SAXO1: variants seen among roughly 807,000 people sequenced by gnomAD.
SAXO1 encodes stabilizer of axonemal microtubules 1.
SAXO1 carries 21 observed loss-of-function variants against 17.5 expected under a neutral mutation model. The observed-to-expected ratio is 1.20, with a 90% CI of 0.85 to 1.72. The LOEUF (loss-of-function observed/expected upper bound fraction) is 1.72, where lower values mean the gene tolerates loss of function less well. Ranked by LOEUF, SAXO1 falls within the 40% of genes most tolerant of loss-of-function variation. The probability of loss-of-function intolerance (pLI) is 0.00; values close to 1 mark genes in which losing one functional copy is unlikely to be tolerated. For missense variants in SAXO1, 843 were observed against 596.0 expected, an observed-to-expected ratio of 1.41 and a Z score of -4.32; for synonymous variants, 274 against 216.5, an observed-to-expected ratio of 1.27 and a Z score of -2.33.
At chr9:18,966,214 G>A (rs1211431138) in intron 1 of SAXO1, among the ~76,000 whole-genome samples, 1 of 152,104 alleles carries the variant, frequency 6.6e-6, no homozygotes, top group African/African-American at 2.4e-5. Flanking sequence ...ATGATTATGT[G>A]TCTTGGGGTT....
intron 1 of SAXO1, among the ~76,000 whole-genome samples, chr9:18,959,338 A>T (rs898903566): frequency 6.6e-6 from 1 of 152,212 alleles, no homozygotes; most frequent in African/African-American, 2.4e-5. Context: ...AAGAGCCTGG[A>T]CTGGCAAGAA....
At chr9:19,019,006 G>A (rs530459381) in intron 1 of SAXO1, among the ~76,000 whole-genome samples, 1 of 152,132 alleles carries the variant, frequency 6.6e-6, no homozygotes, top group African/African-American at 2.4e-5. Flanking sequence ...CTACTGGGGA[G>A]GCTGAGGCAG....
At chr9:19,011,686 T>C (rs1309043654) in intron 1 of SAXO1, among the ~76,000 whole-genome samples, 1 of 152,172 alleles carries the variant, frequency 6.6e-6, no homozygotes, top group Non-Finnish European at 1.5e-5. Context: ...CCCAAACTGA[T>C]GGAAAAAATT....
At chr9:18,970,426 T>G (rs1429450805) in intron 1 of SAXO1, among the ~76,000 whole-genome samples, 1 of 152,140 alleles carries the variant, frequency 6.6e-6, no homozygotes, top group African/African-American at 2.4e-5. Context: ...CACCCTCAAC[T>G]GTTACCTTTG....
chr9:19,025,317 A>G (rs893723918), intron 1 of SAXO1, among the ~76,000 whole-genome samples: 4 of 152,228 alleles, frequency 2.6e-5, no homozygotes, highest in African/African-American at 9.6e-5. Flanking sequence ...TATTTAAATT[A>G]AAAATAAGAA....
intron 1 of SAXO1, among the ~76,000 whole-genome samples, chr9:19,012,000 CAT>C (rs1323509629): frequency 5.9e-5 from 9 of 152,012 alleles, no homozygotes; most frequent in African/African-American, 1.7e-4. Flanking sequence ...CGCAGGTCAC[CAT>C]GCCCGGCCAA....
At chr9:18,992,426 G>A (rs774223647) in intron 1 of SAXO1, among the ~76,000 whole-genome samples, 2 of 152,190 alleles carry the variant, frequency 1.3e-5, no homozygotes, top group Non-Finnish European at 2.9e-5. Context: ...TAATAAGGAT[G>A]CTACTCATGC....
intron 1 of SAXO1, among the ~76,000 whole-genome samples, chr9:18,990,434 C>T (rs535972263): frequency 6.6e-6 from 1 of 152,088 alleles, no homozygotes; most frequent in Non-Finnish European, 1.5e-5. Context: ...AGCAGGACAC[C>T]GTGGCTTATG....
intron 1 of SAXO1, among the ~76,000 whole-genome samples, chr9:18,958,208 G>A (rs868079131): frequency 3.3e-5 from 5 of 152,182 alleles, no homozygotes; most frequent in Admixed American, 2.6e-4. Context: ...TGAATCATTT[G>A]AGGTCAGGGG....
At chr9:18,978,233 G>T (rs978939754) in intron 1 of SAXO1, among the ~76,000 whole-genome samples, 22 of 151,594 alleles carry the variant, frequency 1.5e-4, no homozygotes, top group African/African-American at 5.1e-4. Flanking sequence ...TGAGAGTGAT[G>T]AATTTTTTTC....
intron 3 of SAXO1, among the ~76,000 whole-genome samples, chr9:18,938,801 G>A (rs1831411899): frequency 7.0e-6 from 1 of 143,298 alleles, no homozygotes; most frequent in Non-Finnish European, 1.6e-5. Context: ...CTGGGGTGTG[G>A]TGGGGTGCAT....
At chr9:19,006,906 G>A (rs568101324) in intron 1 of SAXO1, among the ~76,000 whole-genome samples, 2 of 151,986 alleles carry the variant, frequency 1.3e-5, no homozygotes, top group African/African-American at 2.4e-5. Flanking sequence ...TTAGCCAGGT[G>A]TGGTGATGTG....
At chr9:18,994,803 A>G (rs1323829415) in intron 1 of SAXO1, among the ~76,000 whole-genome samples, 1 of 151,838 alleles carries the variant, frequency 6.6e-6, no homozygotes, top group Admixed American at 6.6e-5. Flanking sequence ...TTCCACACTA[A>G]CCCCCAGGAT....
intron 2 of SAXO1, among the ~76,000 whole-genome samples, chr9:18,943,703 C>T (rs995241090): frequency 6.6e-6 from 1 of 152,290 alleles, no homozygotes; most frequent in East Asian, 1.9e-4. Flanking sequence ...AGCCTGTGCT[C>T]AGTGATGGCT....
chr9:18,938,749 CAG>C (rs1831409918), intron 3 of SAXO1, among the ~76,000 whole-genome samples: 1 of 151,536 alleles, frequency 6.6e-6, no homozygotes, highest in Non-Finnish European at 1.5e-5. Flanking sequence ...AAGGGAGAGA[CAG>C]GGGAAAATGG....
intron 1 of SAXO1, among the ~76,000 whole-genome samples, chr9:19,046,019 C>T (rs1314039321): frequency 1.5e-5 from 2 of 129,940 alleles, no homozygotes; most frequent in South Asian, 5.1e-4. Context: ...ACCTGGGAGG[C>T]GGAGGTTGCG....
At chr9:19,028,236 C>T in intron 1 of SAXO1, 6 of 852,138 alleles carry the variant, frequency 7.0e-6, no homozygotes, top group South Asian at 1.7e-5. Flanking sequence ...ATTAGCCGGC[C>T]GTAGTGGCGG....
chr9:18,967,445 C>T (rs957437848), intron 1 of SAXO1, among the ~76,000 whole-genome samples: 3 of 152,202 alleles, frequency 2.0e-5, no homozygotes, highest in Non-Finnish European at 4.4e-5. Flanking sequence ...ATGCCCTGCC[C>T]AGAGAGGAGG....
At chr9:18,961,983 C>T (rs780231441) in intron 1 of SAXO1, among the ~76,000 whole-genome samples, 2 of 152,200 alleles carry the variant, frequency 1.3e-5, no homozygotes, top group Non-Finnish European at 2.9e-5. Context: ...TATTTCTCTG[C>T]ATCTGTTGTT....
Sources: allele counts gnomAD v4.1 joint callset (sites outside exome capture counted in the v4.1 genomes callset), GRCh38; gene constraint gnomAD v4.1.1; transcripts MANE v1.5; gene names NCBI Gene and HGNC (gene_info 2026-07-23, HGNC 2026-07-21).